The following E2F8 variants were observed in gnomAD, a reference collection of about 807,000 sequenced individuals.
E2F8 encodes E2F transcription factor 8.
A neutral mutation model predicts 80.8 loss-of-function variants in E2F8; 35 were observed. The observed-to-expected ratio is 0.43, with a 90% CI of 0.33 to 0.57. The LOEUF (loss-of-function observed/expected upper bound fraction) is 0.57. Among genes scored for constraint, E2F8 ranks in the 20% least tolerant of loss-of-function variants. The probability of loss-of-function intolerance (pLI) is 0.04; values close to 1 mark genes in which losing one functional copy is unlikely to be tolerated. For synonymous variants in E2F8, 386 were observed against 395.0 expected (o/e 0.98, Z 0.27); for missense variants, 975 against 1,056.2 (o/e 0.92, Z 1.07).
intron 9 of E2F8, 37 bp from the exon 10 acceptor site, chr11:19,230,025 T>C (rs1054868208): frequency 6.2e-7 from 1 of 1,609,132 alleles, no homozygotes; most frequent in Non-Finnish European, 8.5e-7. Flanking sequence ...ATGATGGATA[T>C]ACATTTTTTC....
At chr11:19,230,046 T>TA in intron 9 of E2F8, 58 bp from the exon 10 acceptor site, 2 of 1,597,784 alleles carry the variant, frequency 1.3e-6, no homozygotes, top group East Asian at 4.5e-5. Flanking sequence ...TGAACTGTTC[T>TA]ACCGCTTTAA....
At chr11:19,239,512 T>G (rs1345102686) in intron 2 of E2F8, among the ~76,000 whole-genome samples, 1 of 152,104 alleles carries the variant, frequency 6.6e-6, no homozygotes, top group Non-Finnish European at 1.5e-5. Context: ...TCTTTTGTAA[T>G]TTTACAAAAT....
chr11:19,239,393 G>A (rs1308524480), intron 2 of E2F8, among the ~76,000 whole-genome samples: 1 of 152,144 alleles, frequency 6.6e-6, no homozygotes, highest in Non-Finnish European at 1.5e-5. Flanking sequence ...CAGATTATCA[G>A]AAGCAATAGT....
chr11:19,227,840 C>G (rs1851275308), intron 10 of E2F8, among the ~76,000 whole-genome samples: 1 of 152,200 alleles, frequency 6.6e-6, no homozygotes, highest in Non-Finnish European at 1.5e-5. Flanking sequence ...GTGATCTCAG[C>G]ACTTTGGGAA....
chr11:19,230,491 A>G, intron 8 of E2F8, 140 bp downstream of exon 8: 1 of 1,203,748 alleles, frequency 8.3e-7, no homozygotes, highest in East Asian at 2.5e-5. Flanking sequence ...AAATTTATAC[A>G]TTAGTTAGGC....
chr11:19,225,090 G>T, intron 12 of E2F8, 131 bp downstream of exon 12: 2 of 1,336,518 alleles, frequency 1.5e-6, no homozygotes, highest in Non-Finnish European at 2.0e-6. Context: ...AAGAAACATA[G>T]GCCTTCAATC....
rs1324914989 is a variant in E2F8, at chr11:19,234,943, GGTTTT to G, written c.562_566del (p.Lys188ProfsTer12). The G allele has an allele frequency of 6.2e-7, 1 of 1,614,140 alleles. No homozygotes were observed. Among genetic ancestry groups the G allele is most frequent in the South Asian group, 1.1e-5 (1 of 91,078 alleles). ...CCCCGATGCTCTTCAAGGTGCCAAG[GGTTTT>G]GTTGAGATTGTGTCGCCCGTGCCAA... On this transcript the variant is annotated frameshift_variant, in exon 5 of 13. Coordinates refer to ENST00000250024, the MANE Select transcript of E2F8 (RefSeq NM_024680.4). LOFTEE classifies it high-confidence loss of function.
At chr11:19,232,658 T>G (rs1023656283) in intron 6 of E2F8, among the ~76,000 whole-genome samples, 1 of 152,224 alleles carries the variant, frequency 6.6e-6, no homozygotes, top group Non-Finnish European at 1.5e-5. Context: ...TGAAACTATG[T>G]TACAGACTGT....
chr11:19,232,444 C>T (rs1649276187), intron 6 of E2F8, 73 bp from the exon 7 acceptor site: 9 of 1,304,292 alleles, frequency 6.9e-6, no homozygotes, highest in Non-Finnish European at 8.5e-6. Context: ...AGAAGGACTT[C>T]ATGTATATTC....
intron 7 of E2F8, among the ~76,000 whole-genome samples, chr11:19,231,233 G>A (rs1476867030): frequency 1.3e-5 from 2 of 152,158 alleles, no homozygotes; most frequent in African/African-American, 4.8e-5. Context: ...GGAGATGAGA[G>A]CTCTGACCCA....
At chr11:19,240,023 A>G (rs1851617767) in intron 2 of E2F8, 84 bp downstream of exon 2, 1 of 1,164,374 alleles carries the variant, frequency 8.6e-7, no homozygotes, top group Non-Finnish European at 1.2e-6. Context: ...AAGAAAACAC[A>G]TTGGATAGGG....
chr11:19,225,633 A>G lies in E2F8; in HGVS notation c.2027-18T>C. The G allele has an allele frequency of 6.2e-7, 1 of 1,611,010 alleles. No individual in the cohort carries two copies. The highest frequency in any genetic ancestry group is 8.5e-7 in the Non-Finnish European group (1 of 1,177,670). On this transcript the variant is annotated intron_variant, in intron 11 of 12. Coordinates refer to ENST00000250024, the MANE Select transcript of E2F8 (RefSeq NM_024680.4). ...AATAACACCTGGAAGGAAAAGGGGG[A>G]AGATATCTTAAAAGCACAGGCATTT... is the stretch of plus-strand genomic sequence containing the variant.
chr11:19,227,202 C>T (rs554017206), intron 10 of E2F8, among the ~76,000 whole-genome samples: 1 of 152,284 alleles, frequency 6.6e-6, no homozygotes, highest in African/African-American at 2.4e-5. Context: ...CCTTGGGAAC[C>T]AGGAAATTCA....
At position 19,224,802 on chromosome 11, in the gene E2F8, G is replaced by C. The variant is rs547956422; in HGVS notation, c.2460C>G (p.Ala820=). 3.7e-6 allele frequency: 6 copies of C among 1,614,092 alleles called. No homozygotes were observed. The South Asian group carries it at 6.6e-5, about 18-fold the overall frequency. The part of the protein sequence containing the change: ...PVTPKGSQLV[A]ESFFRTPGGP... ...CACCTGGGGTACGGAAGAAACTTTCGGCCACTAATTGTGACCCTTTGGGTG... is the reference window on the plus strand; with the variant it reads ...CACCTGGGGTACGGAAGAAACTTTCCGCCACTAATTGTGACCCTTTGGGTG... The change falls in exon 13 of 13, where the codon GCC becomes GCG. Residue 820 remains alanine, a synonymous_variant. Coordinates refer to ENST00000250024, the MANE Select transcript of E2F8 (RefSeq NM_024680.4).
chr11:19,231,350 C>T (rs1185217382), intron 7 of E2F8, among the ~76,000 whole-genome samples: 3 of 152,170 alleles, frequency 2.0e-5, no homozygotes, highest in African/African-American at 2.4e-5. Flanking sequence ...AATTCCTGCA[C>T]GAAAGGACCT....
Position 19,230,344 on chromosome 11 carries a change from G to C in E2F8, c.1271-16C>G, listed in dbSNP as rs760148760. On this transcript the variant is annotated splice_polypyrimidine_tract_variant and intron_variant, in intron 8 of 12. Coordinates refer to ENST00000250024, the MANE Select transcript of E2F8 (RefSeq NM_024680.4). Reference sequence around the variant, plus strand: ...GAACTCTCAGCTGGTAAAATAGAAAGGAAGAGAGCACCGGTCAAAGCTAAA... The same window carrying C: ...GAACTCTCAGCTGGTAAAATAGAAACGAAGAGAGCACCGGTCAAAGCTAAA... 32 of 1,608,880 alleles carry C rather than the reference G, an allele frequency of 2.0e-5. No individual in the cohort carries two copies. The highest frequency in any genetic ancestry group is 2.5e-5 in the Non-Finnish European group (30 of 1,177,412).
chr11:19,225,982 C>T (rs11827602), intron 10 of E2F8, 118 bp from the exon 11 acceptor site: 5 of 1,240,146 alleles, frequency 4.0e-6, no homozygotes, highest in African/African-American at 1.5e-5. Flanking sequence ...AAGCCTCCAG[C>T]GGAGTGGGCT....
chr11:19,224,397 A>C lies in E2F8; in HGVS notation c.*261T>G. 1 of 310,334 alleles carries C rather than the reference A, an allele frequency of 3.2e-6. No homozygotes were observed. The highest frequency in any genetic ancestry group is 5.9e-6 in the Non-Finnish European group (1 of 169,978). 19.2% of individuals were successfully genotyped at this position (310,334 alleles called of 1,614,324 possible). ...AATGGATTTTTCCCCCTAGAAGTTA[A>C]TATATCTTAGAGTTCAACATTTTAC... On this transcript the variant is annotated 3_prime_UTR_variant, in exon 13 of 13. Coordinates refer to ENST00000250024, the MANE Select transcript of E2F8 (RefSeq NM_024680.4).
In E2F8 at chr11:19,229,857, A is replaced by G. The variant is rs148418534; in HGVS notation, c.1490T>C (p.Val497Ala). The G allele has an allele frequency of 1.2e-6, 2 of 1,613,780 alleles. No homozygotes were observed. The highest frequency in any genetic ancestry group is 2.2e-5 in the South Asian group (2 of 91,042). ...TGACAAGGGGCTGGGGATCAGGGGA[A>G]CCATTCCCAGGGGCTGGATGAGGGA... is the stretch of plus-strand genomic sequence containing the variant. ...APSLIQPLGM[V>A]PLIPSPLSSA... The change falls in exon 10 of 13, where the codon GTT becomes GCT. Residue 497 changes from valine (V) to alanine (A), a missense_variant. Val to Ala is a moderately conservative substitution (Grantham distance 64). Coordinates refer to ENST00000250024, the MANE Select transcript of E2F8 (RefSeq NM_024680.4). The surrounding 1 kb of genome is among the most constrained non-coding windows in gnomAD (Gnocchi z 4.3).
Sources: gnomAD v4.1 joint callset for allele counts (sites outside exome capture counted in the v4.1 genomes callset) on GRCh38, gnomAD v4.1.1 for gene constraint, Gnocchi (gnomAD v3.1) non-coding constraint, MANE v1.5 for transcripts, NCBI Gene and HGNC (gene_info 2026-07-23, HGNC 2026-07-21) for gene names.